EBF2: variants seen among roughly 807,000 people sequenced by gnomAD.
The protein encoded by EBF2 is EBF transcription factor 2.
A neutral mutation model predicts 72.8 loss-of-function variants in EBF2; 21 were observed. That is an observed-to-expected ratio of 0.29 (90% CI 0.20 to 0.42). EBF2 has a LOEUF of 0.42. EBF2 is among the 10% of genes least tolerant of loss of function. EBF2 has a pLI of 1.00. For missense variants in EBF2, 637 were observed against 731.2 expected (o/e 0.87, Z 1.49); for synonymous variants, 299 against 274.2 (o/e 1.09, Z -0.89).
chr8:26,040,644 A>C lies in EBF2; in HGVS notation c.380T>G (p.Val127Gly). The C allele has an allele frequency of 6.4e-7, 1 of 1,555,334 alleles. No homozygotes were observed. The highest frequency in any genetic ancestry group is 8.7e-7 in the Non-Finnish European group (1 of 1,148,982). Reference protein sequence around the residue: ...NGVRTEQDLYVRLIDSVTKQP... With the variant: ...NGVRTEQDLYGRLIDSVTKQP... ...CTTGGTGACCGAGTCGATGAGCCTG[A>C]CATAGAGGTCCTGTTCCGTGCGGAC... Residue 127 changes from valine to glycine, a missense_variant, in exon 4 of 16, where the codon GTC becomes GGC. By Grantham distance (109) the Val-to-Gly change is moderately radical. Coordinates refer to ENST00000520164, the MANE Select transcript of EBF2 (RefSeq NM_022659.4).
chr8:25,895,918 T>C (rs1802857052), intron 7 of EBF2, among the ~76,000 whole-genome samples: 1 of 92,608 alleles, frequency 1.1e-5, no homozygotes, highest in Admixed American at 1.1e-4. Context: ...GAACACCGTG[T>C]GTGTATGTGT....
chr8:25,935,265 G>A (rs548077119), intron 6 of EBF2, among the ~76,000 whole-genome samples: 8 of 151,918 alleles, frequency 5.3e-5, no homozygotes, highest in African/African-American at 1.9e-4. Flanking sequence ...TTGGAAAGGG[G>A]GGGAAAAGCA....
chr8:26,025,075 G>A (rs1805279013), intron 6 of EBF2, among the ~76,000 whole-genome samples: 1 of 152,118 alleles, frequency 6.6e-6, no homozygotes, highest in African/African-American at 2.4e-5. Flanking sequence ...ATCTGAACTA[G>A]GTCTTGAAAA....
At position 26,040,538 on chromosome 8, in the gene EBF2, C is replaced by T. The variant is rs546983753; in HGVS notation, c.408+78G>A. The T allele has an allele frequency of 3.0e-5, 41 of 1,354,732 alleles. No individual in the cohort carries two copies. In the South Asian group the frequency reaches 5.6e-4, roughly 18 times the overall value. The allele number at this position is 1,354,732 out of a possible 1,614,324, so 83.9% of individuals were successfully genotyped here. On this transcript the variant is annotated intron_variant, in intron 4 of 15. Coordinates refer to ENST00000520164, the MANE Select transcript of EBF2 (RefSeq NM_022659.4). Reference sequence around the variant, plus strand: ...GACCCAGGAAATCGTGGAGGAGGGGCAGGTCAGAAACAAACTGGGGGGTTT... The same window carrying T: ...GACCCAGGAAATCGTGGAGGAGGGGTAGGTCAGAAACAAACTGGGGGGTTT...
chr8:25,872,393 A>T (rs1802454766), intron 10 of EBF2, among the ~76,000 whole-genome samples: 2 of 152,148 alleles, frequency 1.3e-5, no homozygotes, highest in Non-Finnish European at 2.9e-5. Flanking sequence ...TTGCAGCTTT[A>T]CTCACCAGTG....
At chr8:25,980,739 T>G (rs1804348102) in intron 6 of EBF2, among the ~76,000 whole-genome samples, 1 of 146,464 alleles carries the variant, frequency 6.8e-6, no homozygotes, top group Admixed American at 6.8e-5. Flanking sequence ...TGTGTCAATT[T>G]CTAGACCGAT....
chr8:25,970,184 G>A (rs1413286929), intron 6 of EBF2, among the ~76,000 whole-genome samples: 1 of 152,164 alleles, frequency 6.6e-6, no homozygotes, highest in African/African-American at 2.4e-5. Context: ...GCCAGGCAGG[G>A]CTGACCACAG....
chr8:25,944,818 T>C (rs1256861530), intron 6 of EBF2, among the ~76,000 whole-genome samples: 1 of 150,858 alleles, frequency 6.6e-6, no homozygotes, highest in African/African-American at 2.4e-5. Flanking sequence ...TACACACTTA[T>C]ATAGACATAC....
At chr8:25,907,649 T>A (rs1405367105) in intron 7 of EBF2, among the ~76,000 whole-genome samples, 1 of 152,024 alleles carries the variant, frequency 6.6e-6, no homozygotes. Context: ...AGGCGAAACA[T>A]GAGGCTAAGG....
chr8:25,846,640 G>C (rs1284445877), intron 15 of EBF2, among the ~76,000 whole-genome samples: 4 of 152,178 alleles, frequency 2.6e-5, no homozygotes, highest in Admixed American at 1.3e-4. Context: ...AGTGAGCCAT[G>C]ATTGCACCAC....
chr8:25,947,075 G>C (rs1354694299), intron 6 of EBF2, among the ~76,000 whole-genome samples: 1 of 152,134 alleles, frequency 6.6e-6, no homozygotes, highest in African/African-American at 2.4e-5. Flanking sequence ...CCTCCAGGCT[G>C]TCTCCCCGAT....
At chr8:25,954,379 C>T (rs1339508306) in intron 6 of EBF2, among the ~76,000 whole-genome samples, 17 of 152,182 alleles carry the variant, frequency 1.1e-4, no homozygotes, top group Non-Finnish European at 2.2e-4. Flanking sequence ...CTCTGCTCAG[C>T]GGCCCCACCT....
At chr8:25,898,903 G>T (rs931202613) in intron 7 of EBF2, among the ~76,000 whole-genome samples, 7 of 152,176 alleles carry the variant, frequency 4.6e-5, no homozygotes, top group African/African-American at 1.4e-4. Context: ...TCAGCGGCAG[G>T]TTTGTGTCCA....
chr8:25,993,880 T>C (rs1325463272), intron 6 of EBF2, among the ~76,000 whole-genome samples: 2 of 152,138 alleles, frequency 1.3e-5, no homozygotes, highest in East Asian at 3.9e-4. Flanking sequence ...TATCTCAACA[T>C]TAAATGCTAG....
rs1235402347 is a variant in EBF2, at chr8:25,964,941, ACT to A, written c.552-56388_552-56387del. On this transcript the variant is annotated intron_variant, in intron 6 of 15. Transcript: ENST00000520164. Reference sequence around the variant, plus strand: ...CATCTCTTCAATGCTGCCTTTCATCACTCTGTTTTCCTTACTGATTTCTGTAG... The same window carrying A: ...CATCTCTTCAATGCTGCCTTTCATCACTGTTTTCCTTACTGATTTCTGTAG... Among the ~76,000 whole-genome samples the A allele has an allele frequency of 2.1e-4, 32 of 152,168 alleles. 1 individual carries two copies. Among genetic ancestry groups the A allele is most frequent in the Non-Finnish European group, 4.4e-4 (30 of 68,004 alleles).
chr8:25,984,046 G>A (rs1804407048), intron 6 of EBF2, among the ~76,000 whole-genome samples: 1 of 152,176 alleles, frequency 6.6e-6, no homozygotes, highest in Non-Finnish European at 1.5e-5. Context: ...ACATAGCTGC[G>A]GGTACCAACG....
intron 7 of EBF2, among the ~76,000 whole-genome samples, chr8:25,896,731 G>C (rs1802868919): frequency 6.6e-6 from 1 of 152,166 alleles, no homozygotes; most frequent in South Asian, 2.1e-4. Flanking sequence ...GTTCCATATT[G>C]CAAGGAGAAA....
rs79614798 is a variant in EBF2, at chr8:25,969,940, C to T, written c.552-61385G>A. On this transcript the variant is annotated intron_variant, in intron 6 of 15. Coordinates refer to ENST00000520164, the MANE Select transcript of EBF2 (RefSeq NM_022659.4). ...TGTGTAAGGCAGGCTTAGCACAGTG[C>T]CTGATGCATGGCAAATGTTAGCCAA... Among the ~76,000 whole-genome samples the T allele has an allele frequency of 1.7e-3, 255 of 152,286 alleles. 7 individuals carry two copies. The East Asian group carries it at 0.041, about 25-fold the overall frequency.
intron 6 of EBF2, among the ~76,000 whole-genome samples, chr8:25,928,510 TG>T (rs141386054): frequency 0.044 from 6,715 of 152,250 alleles, 497 homozygotes; most frequent in African/African-American, 0.15. Flanking sequence ...GACAATTTCT[TG>T]GTTTTATTGT....
Sources: gnomAD v4.1 joint callset for allele counts (sites outside exome capture counted in the v4.1 genomes callset) on GRCh38, gnomAD v4.1.1 for gene constraint, MANE v1.5 for transcripts, NCBI Gene and HGNC (gene_info 2026-07-23, HGNC 2026-07-21) for gene names.